The following MYO10 variants were observed in gnomAD, a reference collection of about 807,000 sequenced individuals.
MYO10 encodes the protein myosin X.
A neutral mutation model predicts 257.3 loss-of-function variants in MYO10; 133 were observed. The ratio of observed to expected loss-of-function variants is 0.52; its 90% confidence interval spans 0.45 to 0.60. MYO10 has a LOEUF of 0.60. Among genes scored for constraint, MYO10 ranks in the 20% least tolerant of loss-of-function variants. The pLI is 0.00. For missense variants in MYO10, 2,399 were observed against 2,635.7 expected, an observed-to-expected ratio of 0.91 and a Z score of 1.97; for synonymous variants, 1,104 against 1,028.6, an observed-to-expected ratio of 1.07 and a Z score of -1.40.
chr5:16,753,279 G>T (rs1241512222), intron 19 of MYO10, among the ~76,000 whole-genome samples: 1 of 151,902 alleles, frequency 6.6e-6, no homozygotes, highest in Non-Finnish European at 1.5e-5. Context: ...CAATTCTCCT[G>T]CCTCAGCCTC....
intron 2 of MYO10, among the ~76,000 whole-genome samples, chr5:16,835,635 T>C (rs1743291133): frequency 2.0e-5 from 3 of 150,360 alleles, no homozygotes; most frequent in African/African-American, 4.9e-5. Context: ...TATGACATAA[T>C]TATCTCCCCA....
intron 4 of MYO10, among the ~76,000 whole-genome samples, chr5:16,787,772 A>T (rs1401122662): frequency 6.6e-6 from 1 of 152,132 alleles, no homozygotes; most frequent in Non-Finnish European, 1.5e-5. Context: ...GGAGAGTGTC[A>T]TGATCAGATT....
intron 2 of MYO10, chr5:16,853,978 G>C (rs1176932205): frequency 6.6e-6 from 1 of 151,872 alleles, no homozygotes; most frequent in Non-Finnish European, 1.5e-5. Context: ...ACTATAACTA[G>C]AAATAGTGCC....
At position 16,783,514 on chromosome 5, in the gene MYO10, TA is replaced by T. The variant is rs770003040; in HGVS notation, c.468-46del. On this transcript the variant is annotated intron_variant, in intron 4 of 40. Coordinates refer to ENST00000513610, the MANE Select transcript of MYO10 (RefSeq NM_012334.3). ...AGTTTGTGCTTCTAACTATAATTTT[TA>T]AAAAAAAATCAGCTTTGGTCAATGG... is the stretch of plus-strand genomic sequence containing the variant. 5.1e-5 allele frequency: 79 copies of T among 1,561,430 alleles called. No homozygotes were observed. In the Middle Eastern group the frequency reaches 6.7e-4, roughly 13 times the overall value.
intron 2 of MYO10, among the ~76,000 whole-genome samples, chr5:16,824,302 C>T (rs1742935309): frequency 6.6e-6 from 1 of 152,118 alleles, no homozygotes; most frequent in Non-Finnish European, 1.5e-5. Flanking sequence ...ATCTCCTTCC[C>T]GCCCCCGCCA....
In MYO10 at chr5:16,685,786, C is replaced by T; in HGVS notation, c.3942G>A (p.Gln1314=). The change falls in exon 29 of 41, where the codon CAG becomes CAA. Residue 1314 remains glutamine (Q), a synonymous_variant. Coordinates refer to ENST00000513610, the MANE Select transcript of MYO10 (RefSeq NM_012334.3). ...GCTCATCATGCATCTCCTGGATCTC[C>T]TGGTCCGTGGACGCGTGGACCTGAC... ...VLSQVHASTD[Q]EIQEMHDEQA... 1 of 1,605,732 alleles carries T rather than the reference C, an allele frequency of 6.2e-7. No homozygotes were observed. The highest frequency in any genetic ancestry group is 8.5e-7 in the Non-Finnish European group (1 of 1,176,556).
intron 4 of MYO10, among the ~76,000 whole-genome samples, chr5:16,790,900 TA>T (rs1255362493): frequency 4.3e-5 from 5 of 116,420 alleles, no homozygotes; most frequent in Non-Finnish European, 7.4e-5. Flanking sequence ...TAAATTTATA[TA>T]TATATATATA....
intron 1 of MYO10, among the ~76,000 whole-genome samples, chr5:16,915,396 T>C (rs1745786456): frequency 6.6e-6 from 1 of 152,220 alleles, no homozygotes; most frequent in African/African-American, 2.4e-5. Context: ...ATGTCCTCTA[T>C]GATTATCGTT....
intron 1 of MYO10, among the ~76,000 whole-genome samples, chr5:16,897,987 G>C (rs992082135): frequency 1.3e-5 from 2 of 152,178 alleles, no homozygotes; most frequent in African/African-American, 4.8e-5. Flanking sequence ...TTCTAAGAAA[G>C]AGCTGGTCTG....
chr5:16,704,324 CAAAT>C (rs1738231233), intron 22 of MYO10, among the ~76,000 whole-genome samples: 1 of 152,092 alleles, frequency 6.6e-6, no homozygotes, highest in Non-Finnish European at 1.5e-5. Context: ...GACCCTGCCT[CAAAT>C]AAATAAATAG....
intron 2 of MYO10, among the ~76,000 whole-genome samples, chr5:16,837,136 C>A (rs944358760): frequency 1.3e-5 from 2 of 152,026 alleles, no homozygotes; most frequent in African/African-American, 4.8e-5. Flanking sequence ...CATGGAGAAA[C>A]CCCATCTCTA....
intron 2 of MYO10, among the ~76,000 whole-genome samples, chr5:16,822,685 TTTTTA>T (rs1244603666): frequency 1.6e-5 from 1 of 62,854 alleles, no homozygotes; most frequent in Non-Finnish European, 3.1e-5. Context: ...TTTTTATTTA[TTTTTA>T]TTTTTTTTTT....
chr5:16,743,086 C>T (rs1208086154), intron 19 of MYO10, among the ~76,000 whole-genome samples: 1 of 152,144 alleles, frequency 6.6e-6, no homozygotes, highest in East Asian at 1.9e-4. Flanking sequence ...TGTCACTGTA[C>T]TCTAGCCTGG....
intron 4 of MYO10, among the ~76,000 whole-genome samples, chr5:16,783,938 C>T (rs183987587): frequency 5.3e-5 from 8 of 152,300 alleles, no homozygotes; most frequent in Admixed American, 5.2e-4. Flanking sequence ...GGCAATGAAC[C>T]TGCGGGTACA....
rs760756295 is a variant in MYO10 at position 16,758,149 on chromosome 5, T to C, written c.1817A>G (p.His606Arg). The C allele has an allele frequency of 1.6e-5, 26 of 1,613,318 alleles. No individual in the cohort carries two copies. Among genetic ancestry groups the C allele is most frequent in the African/African-American group, 1.1e-4 (8 of 74,908 alleles). The change falls in exon 18 of 41, where the codon CAT (histidine) becomes CGT (arginine). Residue 606 changes from histidine to arginine, a missense_variant. Physicochemically the swap from His to Arg is conservative, Grantham distance 29. Coordinates refer to ENST00000513610, the MANE Select transcript of MYO10 (RefSeq NM_012334.3). ...NQDTLKCGSK[H>R]RRPTVSSQFK... ...CTGTGAGCTGACTGTAGGCCGCCGA[T>C]GTTTGCTTCCACATTTCAAGGTATC...
At chr5:16,698,274 G>A (rs1674640821) in intron 26 of MYO10, among the ~76,000 whole-genome samples, 1 of 152,086 alleles carries the variant, frequency 6.6e-6, no homozygotes, top group African/African-American at 2.4e-5. Flanking sequence ...GCGGCAGGAA[G>A]ATGGCTTGAA....
At chr5:16,699,714 G>A in intron 25 of MYO10, 141 bp from the exon 26 acceptor site, 1 of 1,071,982 alleles carries the variant, frequency 9.3e-7, no homozygotes, top group Admixed American at 2.1e-5. Context: ...TCGAACCCAG[G>A]AGGCAGTGAC....
chr5:16,916,650 G>A (rs1455432037), intron 1 of MYO10: 1 of 152,332 alleles, frequency 6.6e-6, no homozygotes, highest in Non-Finnish European at 1.5e-5. Context: ...AAAAAGTTTT[G>A]CCTGCTGATT....
chr5:16,759,517 AAG>A (rs1299912637), intron 17 of MYO10, among the ~76,000 whole-genome samples: 1 of 152,198 alleles, frequency 6.6e-6, no homozygotes, highest in Non-Finnish European at 1.5e-5. Flanking sequence ...TCAAAGGTGA[AAG>A]AGAGTGAAGC....
Sources: gnomAD v4.1 joint callset for allele counts (sites outside exome capture counted in the v4.1 genomes callset) on GRCh38, gnomAD v4.1.1 for gene constraint, MANE v1.5 for transcripts, NCBI Gene and HGNC (gene_info 2026-07-23, HGNC 2026-07-21) for gene names.